The following STARD5 variants were observed in gnomAD, a reference collection of about 807,000 sequenced individuals.
STARD5 encodes stAR-related lipid transfer protein 5.
STARD5 carries 26 observed loss-of-function variants against 24.6 expected under a neutral mutation model. The observed-to-expected ratio is 1.06, with a 90% CI of 0.77 to 1.47. The LOEUF (loss-of-function observed/expected upper bound fraction) is 1.47. Ranked by LOEUF, STARD5 falls within the 40% of genes most tolerant of loss-of-function variation. The pLI, the probability that STARD5 is intolerant of heterozygous loss-of-function variation, is 0.00. For synonymous variants in STARD5, 101 were observed against 99.7 expected (o/e 1.01, Z -0.07); for missense variants, 254 against 270.8 (o/e 0.94, Z 0.44).
intron 3 of STARD5, among the ~76,000 whole-genome samples, chr15:81,322,098 G>A (rs558745584): frequency 1.3e-5 from 2 of 152,374 alleles, no homozygotes; most frequent in African/African-American, 4.8e-5. Context: ...TACTGGCCCA[G>A]GCTTCAGGGA....
At chr15:81,317,586 A>G (rs1901109615) in intron 5 of STARD5, among the ~76,000 whole-genome samples, 1 of 152,178 alleles carries the variant, frequency 6.6e-6, no homozygotes, top group Non-Finnish European at 1.5e-5. Context: ...CAGCTTAGCA[A>G]AGAGGGTAAC....
In STARD5 at chr15:81,314,907, A is replaced by AC. The variant is rs1555426033; in HGVS notation, c.495-1505_495-1504insG. 6.9e-4 allele frequency among the ~76,000 whole-genome samples: 95 copies of AC among 137,196 alleles called. 1 individual carries two copies. The highest frequency in any genetic ancestry group is 3.0e-3 in the African/African-American group (93 of 31,424). The allele number at this position is 137,196 out of a possible 152,430, so 90.0% of individuals were successfully genotyped here. A position where few individuals can be genotyped will look rare whatever the true frequency, so the allele number is the denominator to read the frequency against. The stretch of plus-strand genomic sequence containing the variant: ...ACCTCAAAAAAGAAAAAAAAAAAAA[A>AC]AAAAAAAAGAATCTCACTCTTCAAG... On this transcript the variant is annotated intron_variant, in intron 5 of 5. Coordinates refer to ENST00000302824, the MANE Select transcript of STARD5 (RefSeq NM_181900.3).
chr15:81,322,931 G>A lies in STARD5; in HGVS notation c.117C>T (p.Ser39=), dbSNP rs778297973. 123 of 1,613,992 alleles carry A rather than the reference G, an allele frequency of 7.6e-5. No homozygotes were observed. Among genetic ancestry groups the A allele is most frequent in the Non-Finnish European group, 1.0e-4 (120 of 1,180,036 alleles). The change falls in exon 2 of 6, where the codon TCC becomes TCT. Residue 39 remains serine (S), a synonymous_variant. Transcript: ENST00000302824. Reference sequence around the variant, plus strand: ...CTGGAAACTCCACAGATGGCCTCCAGGAAACTGAAACTCCATTCTGTCAAA... The same window carrying A: ...CTGGAAACTCCACAGATGGCCTCCAAGAAACTGAAACTCCATTCTGTCAAA... The part of the protein sequence containing the change: ...ICREGNGVSV[S]WRPSVEFPGN...
At chr15:81,322,256 G>A in intron 3 of STARD5, 152 bp downstream of exon 3, 1 of 1,005,580 alleles carries the variant, frequency 9.9e-7, no homozygotes, top group East Asian at 2.5e-5. Context: ...GCTGAGGCAG[G>A]CCTCCAATGC....
chr15:81,322,610 A>T (rs1446171640), intron 2 of STARD5, 70 bp from the exon 3 acceptor site: 7 of 1,605,470 alleles, frequency 4.4e-6, no homozygotes, highest in East Asian at 2.2e-5. Flanking sequence ...GTATCTAAGG[A>T]CTAGAAGGTG....
intron 5 of STARD5, among the ~76,000 whole-genome samples, chr15:81,315,212 G>A (rs1567054957): frequency 6.6e-6 from 1 of 152,052 alleles, no homozygotes; most frequent in Non-Finnish European, 1.5e-5. Flanking sequence ...CCTCTGGCCC[G>A]CATCACCTCT....
intron 5 of STARD5, among the ~76,000 whole-genome samples, chr15:81,318,103 C>A (rs1053930961): frequency 1.3e-5 from 2 of 152,288 alleles, no homozygotes; most frequent in East Asian, 3.9e-4. Flanking sequence ...CCTCCCCAAA[C>A]CTCAGTTTCC....
chr15:81,323,062 A>C, intron 1 of STARD5, 114 bp from the exon 2 acceptor site: 2 of 1,119,880 alleles, frequency 1.8e-6, no homozygotes, highest in Non-Finnish European at 1.3e-6. Flanking sequence ...ACGACTCTCC[A>C]AGGCTGTGCA....
chr15:81,321,661 C>A (rs1893294344), intron 3 of STARD5, among the ~76,000 whole-genome samples: 1 of 150,528 alleles, frequency 6.6e-6, no homozygotes, highest in Non-Finnish European at 1.5e-5. Context: ...ATTAAAAAAA[C>A]TTCTATTTCT....
rs1900859658 is a variant in STARD5 at position 81,311,633 on chromosome 15, C to T, written c.*1623G>A. The T allele has an allele frequency of 6.6e-6, 1 of 152,202 alleles. No homozygotes were observed. The highest frequency in any genetic ancestry group is 6.5e-5 in the Admixed American group (1 of 15,276). The allele number at this position is 152,202 out of a possible 1,614,324, so 9.4% of individuals were successfully genotyped here. The stretch of plus-strand genomic sequence containing the variant: ...GATCCCATCTTGATAAGACCACCAC[C>T]TCAGAGTATGGAGCTCAGAGAGGGC... On this transcript the variant is annotated 3_prime_UTR_variant, in exon 6 of 6. Transcript: ENST00000302824.
At chr15:81,318,624 G>A in intron 4 of STARD5, 122 bp from the exon 5 acceptor site, 1 of 813,304 alleles carries the variant, frequency 1.2e-6, no homozygotes. Flanking sequence ...AGGGACTCCT[G>A]CCTCTTGGCG....
Position 81,318,484 on chromosome 15 carries a change from G to A in STARD5, c.419C>T (p.Pro140Leu), listed in dbSNP as rs769591822. Residue 140 changes from proline (P) to leucine (L), a missense_variant, in exon 5 of 6, where the codon CCG (proline) becomes CTG (leucine). By Grantham distance (98) the Pro-to-Leu change is moderately conservative. Coordinates refer to ENST00000302824, the MANE Select transcript of STARD5 (RefSeq NM_181900.3). ...ISSNATHVEH[P>L]LCPPKPGFVR... ...AAAACCTGGCTTCGGGGGACATAACGGATGCTCCACATGGGTGGCTGGAAG... is the reference window on the plus strand; with the variant it reads ...AAAACCTGGCTTCGGGGGACATAACAGATGCTCCACATGGGTGGCTGGAAG... 39 of 1,613,922 alleles carry A rather than the reference G, an allele frequency of 2.4e-5. No individual in the cohort carries two copies. The highest frequency in any genetic ancestry group is 8.0e-5 in the African/African-American group (6 of 74,908).
Position 81,319,429 on chromosome 15 carries a change from G to T in STARD5, c.310C>A (p.Pro104Thr). 1 of 1,614,186 alleles carries T rather than the reference G, an allele frequency of 6.2e-7. No individual in the cohort carries two copies. The highest frequency in any genetic ancestry group is 8.5e-7 in the Non-Finnish European group (1 of 1,180,030). The stretch of plus-strand genomic sequence containing the variant: ...GAAATGAGCTTCATGGCAGCGGAGG[G>T]AGTGGAGGTTCTGCTTACACACAGG... ...DTLCVSRTST[P>T]SAAMKLISPR... Residue 104 changes from proline (P) to threonine (T), a missense_variant, in exon 4 of 6, where the codon CCC becomes ACC. Transcript: ENST00000302824.
In STARD5 at chr15:81,323,566, G is replaced by A. The variant is rs1893330557; in HGVS notation, c.99+435C>T. The stretch of plus-strand genomic sequence containing the variant: ...GGTTCATGCTGTAATGAACACAGAA[G>A]AAAACCTTAGTATGCATCAGATGCT... On this transcript the variant is annotated intron_variant, in intron 1 of 5. Coordinates refer to ENST00000302824, the MANE Select transcript of STARD5 (RefSeq NM_181900.3). The A allele has an allele frequency of 2.7e-5, 35 of 1,289,590 alleles. 1 individual carries two copies. The South Asian group carries it at 3.0e-4, about 11-fold the overall frequency. The allele number at this position is 1,289,590 out of a possible 1,614,324, so 79.9% of individuals were successfully genotyped here.
chr15:81,323,123 G>A, intron 1 of STARD5, 175 bp from the exon 2 acceptor site: 1 of 634,664 alleles, frequency 1.6e-6, no homozygotes. Context: ...TGTCCCCACA[G>A]CAGAATGTGA....
chr15:81,323,783 GAAAGGAACAGATACTTACCACCT>G, intron 1 of STARD5, 195 bp downstream of exon 1: 2 of 706,680 alleles, frequency 2.8e-6, no homozygotes, highest in Non-Finnish European at 4.8e-6. Context: ...GTCACTGAGT[GAAAGGAACAGATACTTACCACCT>G]GAAGTCATTG....
chr15:81,319,445 TACAC>T lies in STARD5; in HGVS notation c.290_293del (p.Cys97Ter), dbSNP rs771949998. Reference sequence around the variant, plus strand: ...CAGCGGAGGGAGTGGAGGTTCTGCTTACACACAGGGTCTGCCAAACCAAAGAAGC... The same window carrying T: ...CAGCGGAGGGAGTGGAGGTTCTGCTTACAGGGTCTGCCAAACCAAAGAAGC... On this transcript the variant is annotated frameshift_variant, in exon 4 of 6. Transcript: ENST00000302824. LOFTEE classifies it high-confidence loss of function. The T allele has an allele frequency of 6.2e-7, 1 of 1,614,150 alleles. No individual in the cohort carries two copies. The highest frequency in any genetic ancestry group is 8.5e-7 in the Non-Finnish European group (1 of 1,180,016).
chr15:81,312,768 G>A lies in STARD5; in HGVS notation c.*488C>T, dbSNP rs1031786511. 1 of 152,304 alleles carries A rather than the reference G, an allele frequency of 6.6e-6. No homozygotes were observed. Among genetic ancestry groups the A allele is most frequent in the Non-Finnish European group, 1.5e-5 (1 of 68,118 alleles). 9.4% of individuals were successfully genotyped at this position (152,304 alleles called of 1,614,324 possible). A position where few individuals can be genotyped will look rare whatever the true frequency, so the allele number is the denominator to read the frequency against. ...TTGCGGCATTAAAGCCATATACAAG[G>A]TCTATATCAGAAAAATATATTTGGG... is the stretch of plus-strand genomic sequence containing the variant. On this transcript the variant is annotated 3_prime_UTR_variant, in exon 6 of 6. Coordinates refer to ENST00000302824, the MANE Select transcript of STARD5 (RefSeq NM_181900.3).
chr15:81,324,066 C>T lies in STARD5; in HGVS notation c.34G>A (p.Ala12Thr). The T allele has an allele frequency of 6.4e-7, 1 of 1,571,914 alleles. No homozygotes were observed. Among genetic ancestry groups the T allele is most frequent in the South Asian group, 1.2e-5 (1 of 86,434 alleles). The change falls in exon 1 of 6, where the codon GCT (alanine) becomes ACT (threonine). Residue 12 changes from alanine (A) to threonine (T), a missense_variant. Physicochemically the swap from Ala to Thr is moderately conservative, Grantham distance 58. Coordinates refer to ENST00000302824, the MANE Select transcript of STARD5 (RefSeq NM_181900.3). ...TACTGGAGCATCTTCTCGGCCACAGCCTCGCTCATCTGGGCTGCCAGCGCC... is the reference window on the plus strand; with the variant it reads ...TACTGGAGCATCTTCTCGGCCACAGTCTCGCTCATCTGGGCTGCCAGCGCC... ...DPALAAQMSE[A>T]VAEKMLQYRR...
Sources: gnomAD v4.1 joint callset for allele counts (sites outside exome capture counted in the v4.1 genomes callset) on GRCh38, gnomAD v4.1.1 for gene constraint, MANE v1.5 for transcripts, NCBI Gene and HGNC (gene_info 2026-07-23, HGNC 2026-07-21) for gene names.